The following SEC61A2 variants were observed in gnomAD, a reference collection of about 807,000 sequenced individuals.
SEC61A2 encodes the protein protein transport protein Sec61 subunit alpha isoform 2.
A neutral mutation model predicts 59.9 loss-of-function variants in SEC61A2; 28 were observed. The observed-to-expected ratio is 0.47, with a 90% confidence interval of 0.35 to 0.64. The LOEUF is 0.64. Ranked by LOEUF, SEC61A2 falls within the 30% of genes least tolerant of loss-of-function variation. The pLI is 0.01. For synonymous variants in SEC61A2, 202 were observed against 214.4 expected, an observed-to-expected ratio of 0.94 and a Z score of 0.50; for missense variants, 340 against 585.9, an observed-to-expected ratio of 0.58 and a Z score of 4.33.
At chr10:12,159,080 C>T (rs960654653) in intron 9 of SEC61A2, among the ~76,000 whole-genome samples, 1 of 151,468 alleles carries the variant, frequency 6.6e-6, no homozygotes, top group African/African-American at 2.4e-5. Flanking sequence ...CGGGTTCATG[C>T]CATTCTCCTG....
downstream of SEC61A2, chr10:12,166,461 A>C: frequency 4.2e-6 from 1 of 236,882 alleles, no homozygotes; most frequent in South Asian, 4.8e-5. Flanking sequence ...TATTTCCATA[A>C]TTGTTTTATC....
At chr10:12,146,787 G>T (rs141996973) in intron 4 of SEC61A2, among the ~76,000 whole-genome samples, 3,602 of 152,262 alleles carry the variant, frequency 0.024, 79 homozygotes, top group Non-Finnish European at 0.033. Context: ...CAAAGTGCTG[G>T]GATTACAGGT....
In SEC61A2 at chr10:12,160,431, C is replaced by G. The variant is rs973476586; in HGVS notation, c.976-499C>G. Among the ~76,000 whole-genome samples the G allele has an allele frequency of 9.2e-5, 14 of 151,996 alleles. No individual in the cohort carries two copies. The highest frequency in any genetic ancestry group is 3.4e-4 in the African/African-American group (14 of 41,386). Reference sequence around the variant, plus strand: ...AGATTTAAGTATATAGATAAAAATCCAATTATTATATTTATTAAAAGATTG... The same window carrying G: ...AGATTTAAGTATATAGATAAAAATCGAATTATTATATTTATTAAAAGATTG... On this transcript the variant is annotated intron_variant, in intron 9 of 11. Coordinates refer to ENST00000298428, the MANE Select transcript of SEC61A2 (RefSeq NM_018144.4). The surrounding 1 kb of genome is among the most constrained non-coding windows in gnomAD (Gnocchi z 4.1).
At chr10:12,159,292 A>C (rs1405374850) in intron 9 of SEC61A2, among the ~76,000 whole-genome samples, 1 of 152,034 alleles carries the variant, frequency 6.6e-6, no homozygotes, top group Non-Finnish European at 1.5e-5. Context: ...TTTTTTCTAA[A>C]GCCATCTAGC....
At chr10:12,147,996 A>G (rs1834184085) in intron 4 of SEC61A2, among the ~76,000 whole-genome samples, 1 of 150,438 alleles carries the variant, frequency 6.6e-6, no homozygotes, top group Non-Finnish European at 1.5e-5. Context: ...AAGTAAGTGC[A>G]GTGGCACGAT....
At chr10:12,157,100 A>G in intron 8 of SEC61A2, 33 bp downstream of exon 8, 3 of 1,592,352 alleles carry the variant, frequency 1.9e-6, no homozygotes, top group Non-Finnish European at 1.7e-6. Context: ...AGTAAGTGGG[A>G]TGTAGATTTT....
chr10:12,168,270 C>T (rs1269269982), downstream of SEC61A2, among the ~76,000 whole-genome samples: 10 of 152,130 alleles, frequency 6.6e-5, no homozygotes, highest in Non-Finnish European at 1.2e-4. This position sits in a 1 kb window ranked among gnomAD's most constrained non-coding sequence, Gnocchi z 4.8. Flanking sequence ...GTGATCCACC[C>T]GCCTCAGCCT....
At position 12,149,698 on chromosome 10, in the gene SEC61A2, T is replaced by C. The variant is rs141011007; in HGVS notation, c.324T>C (p.Asp108=). ...TTGAAGTTGGAGATACACCGAAAGA[T>C]AGAGCTTTATTCAATGGAGCCCAGA... The part of the protein sequence containing the change: ...KIIEVGDTPK[D]RALFNGAQKL... The change falls in exon 5 of 12, where the codon GAT becomes GAC. Residue 108 remains aspartate, a synonymous_variant. Coordinates refer to ENST00000298428, the MANE Select transcript of SEC61A2 (RefSeq NM_018144.4). This position sits in a 1 kb window ranked among gnomAD's most constrained non-coding sequence, Gnocchi z 5.2. 160 of 1,613,570 alleles carry C rather than the reference T, an allele frequency of 9.9e-5. No individual in the cohort carries two copies. In the African/African-American group the frequency reaches 1.9e-3, roughly 20 times the overall value.
chr10:12,168,016 C>A, downstream of SEC61A2: 6 of 958,594 alleles, frequency 6.3e-6, no homozygotes, highest in Non-Finnish European at 8.4e-6. The surrounding 1 kb of genome is among the most constrained non-coding windows in gnomAD (Gnocchi z 4.8). Context: ...ACAAGAACAT[C>A]AGGGATAATG....
chr10:12,163,338 T>TA lies in SEC61A2; in HGVS notation c.1245-929dup, dbSNP rs1491308929. Among the ~76,000 whole-genome samples, 94 of 77,922 alleles carry TA rather than the reference T, an allele frequency of 1.2e-3. 1 individual carries two copies. The highest frequency in any genetic ancestry group is 2.7e-3 in the South Asian group (6 of 2,232). 51.1% of individuals were successfully genotyped at this position (77,922 alleles called of 152,430 possible). On this transcript the variant is annotated intron_variant, in intron 11 of 11. Coordinates refer to ENST00000298428, the MANE Select transcript of SEC61A2 (RefSeq NM_018144.4). ...TTTTTTTTTTTTTTTTTTTTTTTTT[T>TA]ATCTGAGATGGGGCCTCACTTTGTC...
At position 12,129,748 on chromosome 10, in the gene SEC61A2, C is replaced by T. The variant is rs375778467; in HGVS notation, c.-40C>T. 1 of 1,486,702 alleles carries T rather than the reference C, an allele frequency of 6.7e-7. No homozygotes were observed. Among genetic ancestry groups the T allele is most frequent in the Non-Finnish European group, 8.9e-7 (1 of 1,123,456 alleles). 92.1% of individuals were successfully genotyped at this position (1,486,702 alleles called of 1,614,324 possible). On this transcript the variant is annotated 5_prime_UTR_variant, in exon 1 of 12. Coordinates refer to ENST00000298428, the MANE Select transcript of SEC61A2 (RefSeq NM_018144.4). This position sits in a 1 kb window ranked among gnomAD's most constrained non-coding sequence, Gnocchi z 5.6. ...CGCGGGAGTCGAGCGAAGGCAGCGCCGAGGCCGCGGTTTCCCCCTGGGCCT... is the reference window on the plus strand; with the variant it reads ...CGCGGGAGTCGAGCGAAGGCAGCGCTGAGGCCGCGGTTTCCCCCTGGGCCT...
chr10:12,164,617 G>GCAT lies in SEC61A2; in HGVS notation c.*164_*166dup, dbSNP rs1026111733. On this transcript the variant is annotated 3_prime_UTR_variant, in exon 12 of 12. Transcript: ENST00000298428. The surrounding 1 kb of genome is among the most constrained non-coding windows in gnomAD (Gnocchi z 7.3). The stretch of plus-strand genomic sequence containing the variant: ...GGGCACCGAGCTAAGTCTGTGTGCA[G>GCAT]CATTAGTACCCGCTGCCTTAAAACT... 7.1e-7 allele frequency: 1 copy of GCAT among 1,416,516 alleles called. No individual in the cohort carries two copies. Among genetic ancestry groups the GCAT allele is most frequent in the African/African-American group, 1.5e-5 (1 of 68,044 alleles). The allele number at this position is 1,416,516 out of a possible 1,614,324, so 87.7% of individuals were successfully genotyped here.
intron 3 of SEC61A2, among the ~76,000 whole-genome samples, chr10:12,141,836 C>T (rs945628586): frequency 1.3e-5 from 2 of 152,194 alleles, no homozygotes; most frequent in Admixed American, 6.6e-5. Context: ...TACTAGCCAT[C>T]ACCCCCTGTT....
chr10:12,150,668 C>T (rs1834249716), intron 6 of SEC61A2, among the ~76,000 whole-genome samples: 1 of 152,052 alleles, frequency 6.6e-6, no homozygotes, highest in African/African-American at 2.4e-5. Context: ...GTCTTAGAGT[C>T]AGTGAAACAC....
chr10:12,139,038 C>T (rs566839816), intron 3 of SEC61A2, among the ~76,000 whole-genome samples: 173 of 152,160 alleles, frequency 1.1e-3, no homozygotes, highest in African/African-American at 3.8e-3. Flanking sequence ...TTCGGCTCAC[C>T]GCAAGCTCCG....
chr10:12,143,935 G>A lies in SEC61A2; in HGVS notation c.220+740G>A, dbSNP rs1005323694. Among the ~76,000 whole-genome samples, 25 of 152,152 alleles carry A rather than the reference G, an allele frequency of 1.6e-4. No homozygotes were observed. The highest frequency in any genetic ancestry group is 6.0e-4 in the African/African-American group (25 of 41,504). On this transcript the variant is annotated intron_variant, in intron 4 of 11. Coordinates refer to ENST00000298428, the MANE Select transcript of SEC61A2 (RefSeq NM_018144.4). The surrounding 1 kb of genome is among the most constrained non-coding windows in gnomAD (Gnocchi z 4.8). Reference sequence around the variant, plus strand: ...TTTTTTGGAAACACTTTTTTCAGGCGATCCTCCCACTTCAGCCTCCTGAGT... The same window carrying A: ...TTTTTTGGAAACACTTTTTTCAGGCAATCCTCCCACTTCAGCCTCCTGAGT...
rs1375570428 is a variant in SEC61A2 at position 12,154,855 on chromosome 10, G to C, written c.463-923G>C. On this transcript the variant is annotated intron_variant, in intron 6 of 11. Transcript: ENST00000298428. The surrounding 1 kb of genome is among the most constrained non-coding windows in gnomAD (Gnocchi z 5.2). ...TGAGGGTGGGCGGCTTGAGAGCTGG[G>C]AGGAATGGAAGTGACTTCCTCACTT... Among the ~76,000 whole-genome samples the C allele has an allele frequency of 1.3e-5, 2 of 152,172 alleles. No homozygotes were observed. The highest frequency in any genetic ancestry group is 2.9e-5 in the Non-Finnish European group (2 of 68,028).
chr10:12,134,504 A>G (rs1185509161), intron 2 of SEC61A2, among the ~76,000 whole-genome samples: 1 of 152,172 alleles, frequency 6.6e-6, no homozygotes, highest in East Asian at 1.9e-4. Context: ...TTTCAGTTTC[A>G]TTTAACACCG....
chr10:12,148,984 G>A lies in SEC61A2; in HGVS notation c.221-611G>A, dbSNP rs185122883. On this transcript the variant is annotated intron_variant, in intron 4 of 11. Transcript: ENST00000298428. ...TGAAAACAGGATTGAAGGGAGTGAT[G>A]TGACAGAGTGGCCCAGGAAGTCTTG... is the stretch of plus-strand genomic sequence containing the variant. 1.2e-4 allele frequency among the ~76,000 whole-genome samples: 18 copies of A among 152,330 alleles called. 1 individual carries two copies. The East Asian group carries it at 3.3e-3, about 28-fold the overall frequency.
Sources: allele counts gnomAD v4.1 joint callset (sites outside exome capture counted in the v4.1 genomes callset), GRCh38; gene constraint gnomAD v4.1.1; non-coding constraint Gnocchi (gnomAD v3.1); transcripts MANE v1.5; gene names NCBI Gene and HGNC (gene_info 2026-07-23, HGNC 2026-07-21).